Variants in POTEF observed in about 807,000 individuals in gnomAD.
POTEF encodes POTE ankyrin domain family member F.
POTEF carries 20 observed loss-of-function variants against 83.2 expected under a neutral mutation model. The observed-to-expected ratio is 0.24, with a 90% CI of 0.17 to 0.35. The LOEUF is 0.35. Among genes scored for constraint, POTEF ranks in the 10% least tolerant of loss-of-function variants. POTEF has a pLI of 1.00. For synonymous variants in POTEF, 196 were observed against 446.4 expected, an observed-to-expected ratio of 0.44 and a Z score of 7.07; for missense variants, 550 against 1,203.2, an observed-to-expected ratio of 0.46 and a Z score of 8.03.
chr2:130,076,083 A>G lies in POTEF; in HGVS notation c.1900-511T>C, dbSNP rs572160060. On this transcript the variant is annotated intron_variant, in intron 16 of 16. Transcript: ENST00000409914. ...AGTTTCTTTTACTTAAGAACGTTTT[A>G]CCGATATTCTACATTTCTAATATTT... 2.9e-4 allele frequency among the ~76,000 whole-genome samples: 28 copies of G among 95,476 alleles called. 7 individuals are homozygous for G. The South Asian group carries it at 8.8e-3, about 30-fold the overall frequency. The allele number at this position is 95,476 out of a possible 152,430, so 62.6% of individuals were successfully genotyped here.
At chr2:130,105,220 TA>T (rs1473066996) in intron 8 of POTEF, among the ~76,000 whole-genome samples, 1 of 149,372 alleles carries the variant, frequency 6.7e-6, no homozygotes, top group South Asian at 2.1e-4. Flanking sequence ...GGCTTTTATT[TA>T]AAAAAAAGCC....
chr2:130,103,194 C>A (rs1386443229), intron 8 of POTEF, among the ~76,000 whole-genome samples: 1 of 148,574 alleles, frequency 6.7e-6, no homozygotes, highest in Admixed American at 6.7e-5. Context: ...TCTGACACTC[C>A]CTGGTTCAAG....
At chr2:130,109,354 G>A (rs1684639333) in intron 7 of POTEF, 1 of 142,778 alleles carries the variant, frequency 7.0e-6, no homozygotes, top group Non-Finnish European at 1.5e-5. Context: ...TCATGGACAA[G>A]GCTTGGCTCT....
chr2:130,075,450 C>T lies in POTEF; in HGVS notation c.2022G>A (p.Lys674=), dbSNP rs761759443. Residue 674 remains lysine (K), a synonymous_variant, in exon 17 of 17, where the codon AAG becomes AAA. Coordinates refer to ENST00000409914, the MANE Select transcript of POTEF (RefSeq NM_001099771.2). ...TMKHQSQLRE[K]KYLEDIESVK... ...CACTTTCAATATCCTCCAAATATTT[C>T]TTTTCTCTTAGCTGGCTCTGATGTT... The T allele has an allele frequency of 6.2e-7, 1 of 1,611,448 alleles. No individual in the cohort carries two copies. Among genetic ancestry groups the T allele is most frequent in the East Asian group, 2.2e-5 (1 of 44,860 alleles).
intron 3 of POTEF, among the ~76,000 whole-genome samples, chr2:130,118,317 C>T (rs1447075744): frequency 1.3e-5 from 2 of 151,956 alleles, no homozygotes. Context: ...CTACCAGGAA[C>T]GCTATCTTTT....
intron 16 of POTEF, 54 bp from the exon 17 acceptor site, chr2:130,075,626 A>C: frequency 1.3e-6 from 2 of 1,558,234 alleles, no homozygotes; most frequent in Non-Finnish European, 1.7e-6. Flanking sequence ...ACATATCATG[A>C]TTTCTTCTGA....
In POTEF at chr2:130,075,888, G is replaced by A. The variant is rs555401881; in HGVS notation, c.1900-316C>T. On this transcript the variant is annotated intron_variant, in intron 16 of 16. Transcript: ENST00000409914. ...TTTAAGAATCCCAGAATTAAAAAAA[G>A]CCTTTTTTCTGAGTTACAAAAAACC... Among the ~76,000 whole-genome samples the A allele has an allele frequency of 1.2e-4, 18 of 150,670 alleles. 1 individual carries two copies. Among genetic ancestry groups the A allele is most frequent in the Admixed American group, 1.1e-3 (17 of 15,138 alleles).
Position 130,104,118 on chromosome 2 carries a change from G to C in POTEF, c.1127-1938C>G, listed in dbSNP as rs75493244. ...AGGTGACAGATAGCTCATGTGGACA[G>C]AGCTGAGATGATACTATGTAGCAAT... On this transcript the variant is annotated intron_variant, in intron 8 of 16. Coordinates refer to ENST00000409914, the MANE Select transcript of POTEF (RefSeq NM_001099771.2). Among the ~76,000 whole-genome samples, 398 of 147,728 alleles carry C rather than the reference G, an allele frequency of 2.7e-3. 1 individual carries two copies. Among genetic ancestry groups the C allele is most frequent in the African/African-American group, 9.8e-3 (365 of 37,280 alleles).
rs2104776803 is a variant in POTEF, at chr2:130,078,276, C to A, written c.1779-1075G>T. ...TCAGAGGTTACAAAATAAATGAATACCAATCAGTAGCACCACTATACATCA... is the reference window on the plus strand; with the variant it reads ...TCAGAGGTTACAAAATAAATGAATAACAATCAGTAGCACCACTATACATCA... On this transcript the variant is annotated intron_variant, in intron 15 of 16. Transcript: ENST00000409914. Among the ~76,000 whole-genome samples, 2 of 89,756 alleles carry A rather than the reference C, an allele frequency of 2.2e-5. 1 individual carries two copies. Among genetic ancestry groups the A allele is most frequent in the African/African-American group, 8.4e-5 (2 of 23,930 alleles). 58.9% of individuals were successfully genotyped at this position (89,756 alleles called of 152,430 possible).
chr2:130,106,232 C>A (rs1408039341), intron 8 of POTEF, among the ~76,000 whole-genome samples: 3 of 150,502 alleles, frequency 2.0e-5, no homozygotes, highest in Non-Finnish European at 4.4e-5. Context: ...ACTGTTTTAG[C>A]CACTGTTCAT....
At chr2:130,107,580 T>A (rs1248582252) in intron 8 of POTEF, 3 of 233,364 alleles carry the variant, frequency 1.3e-5, no homozygotes, top group Non-Finnish European at 1.7e-5. Flanking sequence ...CCACTCCTTA[T>A]GGCTCATATT....
chr2:130,114,749 A>G, intron 5 of POTEF, 132 bp downstream of exon 5: 1 of 1,370,816 alleles, frequency 7.3e-7, no homozygotes. Context: ...GTCTTAGATA[A>G]TTAGGTCATT....
intron 2 of POTEF, 101 bp from the exon 3 acceptor site, chr2:130,120,709 G>C: frequency 2.1e-6 from 2 of 956,550 alleles, no homozygotes. Flanking sequence ...ACCCACCCGA[G>C]GAAAGCCCAC....
chr2:130,128,672 A>C (rs1192614094), intron 1 of POTEF, among the ~76,000 whole-genome samples: 13 of 151,896 alleles, frequency 8.6e-5, no homozygotes, highest in African/African-American at 3.1e-4. Context: ...CACCACAGGT[A>C]GCGCAGCTCC....
intron 8 of POTEF, among the ~76,000 whole-genome samples, chr2:130,103,215 G>C (rs1157577897): frequency 6.8e-6 from 1 of 147,172 alleles, no homozygotes; most frequent in Non-Finnish European, 1.5e-5. Flanking sequence ...CGATTCTCCT[G>C]TCTCAGTCTC....
chr2:130,110,405 C>T, intron 7 of POTEF, 138 bp downstream of exon 7: 1 of 1,578,128 alleles, frequency 6.3e-7, no homozygotes, highest in Non-Finnish European at 8.6e-7. Flanking sequence ...CTGGCTGATG[C>T]AGGGGACTAA....
chr2:130,104,888 C>T (rs1021158776), intron 8 of POTEF, among the ~76,000 whole-genome samples: 3 of 151,190 alleles, frequency 2.0e-5, no homozygotes, highest in African/African-American at 7.4e-5. Context: ...TAGTAGGATG[C>T]GAGTTATAAA....
At chr2:130,117,413 T>G (rs1684871314) in intron 3 of POTEF, among the ~76,000 whole-genome samples, 1 of 151,818 alleles carries the variant, frequency 6.6e-6, no homozygotes, top group African/African-American at 2.4e-5. Context: ...CTAATGAACT[T>G]TAACTAAAAC....
intron 7 of POTEF, 58 bp from the exon 8 acceptor site, chr2:130,108,137 T>C: frequency 1.3e-6 from 2 of 1,516,024 alleles, no homozygotes; most frequent in Non-Finnish European, 1.8e-6. Context: ...TAAAAAAACT[T>C]ACCAAATGTA....
Sources: gnomAD v4.1 joint callset for allele counts (sites outside exome capture counted in the v4.1 genomes callset) on GRCh38, gnomAD v4.1.1 for gene constraint, MANE v1.5 for transcripts, NCBI Gene and HGNC (gene_info 2026-07-23, HGNC 2026-07-21) for gene names.